The following DAPK2 variants were observed in gnomAD, a reference collection of about 807,000 sequenced individuals.
DAPK2 encodes the protein death associated protein kinase 2.
A neutral mutation model predicts 44.1 loss-of-function variants in DAPK2; 35 were observed. That is an observed-to-expected ratio of 0.79 (90% CI 0.61 to 1.05). The LOEUF (loss-of-function observed/expected upper bound fraction) is 1.05. Among genes scored for constraint, DAPK2 ranks in the 50% least tolerant of loss-of-function variants. The pLI, the probability that DAPK2 is intolerant of heterozygous loss-of-function variation, is 0.00. For synonymous variants in DAPK2, 174 were observed against 182.6 expected (o/e 0.95, Z 0.38); for missense variants, 453 against 483.2 (o/e 0.94, Z 0.59).
chr15:63,943,789 T>G (rs1227039685), intron 3 of DAPK2, among the ~76,000 whole-genome samples: 1 of 152,070 alleles, frequency 6.6e-6, no homozygotes, highest in Non-Finnish European at 1.5e-5. Context: ...GGCAGGAGAA[T>G]TGCTTGAACC....
At chr15:63,944,578 G>A (rs1233178083) in intron 3 of DAPK2, among the ~76,000 whole-genome samples, 1 of 152,190 alleles carries the variant, frequency 6.6e-6, no homozygotes, top group Admixed American at 6.5e-5. Flanking sequence ...TTGCAGCCAC[G>A]CTGAGTGATA....
chr15:64,026,882 C>T (rs1417023039), intron 1 of DAPK2, among the ~76,000 whole-genome samples: 1 of 152,196 alleles, frequency 6.6e-6, no homozygotes, highest in Non-Finnish European at 1.5e-5. Flanking sequence ...TCATCACTTA[C>T]AAAATGGGAA....
intron 1 of DAPK2, among the ~76,000 whole-genome samples, chr15:64,014,121 G>A (rs541493352): frequency 6.6e-6 from 1 of 152,310 alleles, no homozygotes; most frequent in Non-Finnish European, 1.5e-5. Context: ...TGATCCTTGG[G>A]AAATGGGGTT....
At chr15:64,010,440 T>C (rs924771841) in intron 1 of DAPK2, among the ~76,000 whole-genome samples, 2 of 152,168 alleles carry the variant, frequency 1.3e-5, no homozygotes, top group Non-Finnish European at 2.9e-5. Flanking sequence ...CAACTACAGT[T>C]TTCAGGAGCA....
At chr15:64,009,073 T>C in intron 1 of DAPK2, among the ~76,000 whole-genome samples, 1 of 152,172 alleles carries the variant, frequency 6.6e-6, no homozygotes, top group Non-Finnish European at 1.5e-5. Flanking sequence ...TATTTTCACC[T>C]CCTGTGCATA....
At chr15:63,951,351 C>T (rs2077581295) in intron 3 of DAPK2, among the ~76,000 whole-genome samples, 1 of 152,148 alleles carries the variant, frequency 6.6e-6, no homozygotes, top group Non-Finnish European at 1.5e-5. Context: ...AGCCCTGTTT[C>T]CTGGTGATCC....
intron 3 of DAPK2, among the ~76,000 whole-genome samples, chr15:63,950,913 A>T (rs1269568009): frequency 2.6e-5 from 4 of 152,248 alleles, no homozygotes; most frequent in Non-Finnish European, 5.9e-5. Context: ...TAACATCCTC[A>T]TGACAGCTTG....
At chr15:63,915,736 C>T (rs566450305) in intron 8 of DAPK2, among the ~76,000 whole-genome samples, 1 of 152,218 alleles carries the variant, frequency 6.6e-6, no homozygotes, top group Non-Finnish European at 1.5e-5. Flanking sequence ...TAGCTACACA[C>T]AACACCACCA....
chr15:63,922,471 A>T (rs12904374), intron 8 of DAPK2: 621,074 of 1,213,570 alleles, frequency 0.51, 164,452 homozygotes, highest in East Asian at 0.94. Flanking sequence ...GCAGAAGGGG[A>T]CCCTGAGGGG....
intron 1 of DAPK2, among the ~76,000 whole-genome samples, chr15:64,000,186 T>C (rs1595876025): frequency 6.8e-6 from 1 of 147,828 alleles, no homozygotes; most frequent in Non-Finnish European, 1.5e-5. Context: ...CTACTACTAC[T>C]ACACACACAC....
intron 1 of DAPK2, 22 bp downstream of exon 2, chr15:64,040,148 C>A (rs760637917): frequency 1.0e-5 from 16 of 1,597,338 alleles, no homozygotes; most frequent in Admixed American, 6.7e-5. Context: ...GGCATCCCCC[C>A]ACCTCTCACA....
chr15:64,021,482 G>A (rs2141082678), intron 1 of DAPK2, among the ~76,000 whole-genome samples: 1 of 152,320 alleles, frequency 6.6e-6, no homozygotes, highest in South Asian at 2.1e-4. Context: ...CGCCCTTGGG[G>A]CCTCAAAGCT....
chr15:63,982,925 C>T (rs4776273), intron 2 of DAPK2, among the ~76,000 whole-genome samples: 56,280 of 152,200 alleles, frequency 0.37, 11,179 homozygotes, highest in East Asian at 0.86. Context: ...ACTAGTAAGA[C>T]ATTTCCCTCA....
chr15:64,031,726 C>T (rs940489961), intron 1 of DAPK2, among the ~76,000 whole-genome samples: 1 of 152,204 alleles, frequency 6.6e-6, no homozygotes, highest in Non-Finnish European at 1.5e-5. Context: ...AGTAGAATTT[C>T]CCACTTGGCA....
Position 63,923,432 on chromosome 15 carries a change from C to T in DAPK2, c.858+1384G>A, listed in dbSNP as rs76440333. The T allele has an allele frequency of 2.8e-3, 4,066 of 1,473,112 alleles. 13 individuals carry two copies. Among genetic ancestry groups the T allele is most frequent in the Non-Finnish European group, 3.3e-3 (3,736 of 1,115,468 alleles). The allele number at this position is 1,473,112 out of a possible 1,614,324, so 91.3% of individuals were successfully genotyped here. ...AAAGGGTAGGCAGAAGGCACACAAGCGGCCTCTGGCATTCACTGCATGCGT... is the reference window on the plus strand; with the variant it reads ...AAAGGGTAGGCAGAAGGCACACAAGTGGCCTCTGGCATTCACTGCATGCGT... On this transcript the variant is annotated intron_variant, in intron 8 of 10. Transcript: ENST00000261891. This position sits in a 1 kb window ranked among gnomAD's most constrained non-coding sequence, Gnocchi z 4.2.
intron 1 of DAPK2, among the ~76,000 whole-genome samples, chr15:64,038,822 A>C (rs2080281565): frequency 6.6e-6 from 1 of 152,218 alleles, no homozygotes; most frequent in Admixed American, 6.5e-5. Context: ...CCCTAAGCTA[A>C]AGGGAAAAGT....
rs775966607 is a variant in DAPK2, at chr15:63,923,234, T to C, written c.858+1582A>G. On this transcript the variant is annotated intron_variant, in intron 8 of 10. Coordinates refer to ENST00000261891, the Ensembl canonical transcript of DAPK2. This position sits in a 1 kb window ranked among gnomAD's most constrained non-coding sequence, Gnocchi z 4.2. ...ACGCTCGAAGTTGACATAGGAGTTG[T>C]TGGGAGGCATGCTTGAGTGGCATTT... 5.9e-6 allele frequency: 9 copies of C among 1,535,874 alleles called. No individual in the cohort carries two copies. The highest frequency in any genetic ancestry group is 2.0e-5 in the Admixed American group (1 of 50,982).
intron 1 of DAPK2, among the ~76,000 whole-genome samples, chr15:64,004,196 C>T (rs1305132928): frequency 1.3e-5 from 2 of 152,132 alleles, no homozygotes; most frequent in Non-Finnish European, 2.9e-5. Flanking sequence ...CCATTTCTCA[C>T]TGTCTGGATT....
chr15:63,931,097 G>A (rs2079539111), intron 4 of DAPK2, among the ~76,000 whole-genome samples: 1 of 152,028 alleles, frequency 6.6e-6, no homozygotes, highest in African/African-American at 2.4e-5. Flanking sequence ...AAAGAGGCCT[G>A]AGAGAACTTG....
Sources: gnomAD v4.1 joint callset for allele counts (sites outside exome capture counted in the v4.1 genomes callset) on GRCh38, gnomAD v4.1.1 for gene constraint, Gnocchi (gnomAD v3.1) non-coding constraint, MANE v1.5 for transcripts, NCBI Gene and HGNC (gene_info 2026-07-23, HGNC 2026-07-21) for gene names.